Variants in IQCH observed in about 807,000 individuals in gnomAD.
The protein encoded by IQCH is IQ domain-containing protein H.
In IQCH, 98 loss-of-function variants were observed where a neutral mutation model predicts 117.0. That is an observed-to-expected ratio of 0.84 (90% CI 0.71 to 0.99). The LOEUF (loss-of-function observed/expected upper bound fraction) is 0.99, where lower values mean the gene tolerates loss of function less well. Among genes scored for constraint, IQCH ranks in the 50% least tolerant of loss-of-function variants. IQCH has a pLI of 0.00. For synonymous variants in IQCH, 412 were observed against 448.2 expected, an observed-to-expected ratio of 0.92 and a Z score of 1.02; for missense variants, 1,102 against 1,243.8, an observed-to-expected ratio of 0.89 and a Z score of 1.72.
intron 4 of IQCH, among the ~76,000 whole-genome samples, chr15:67,299,982 AT>A (rs1370154281): frequency 1.3e-5 from 2 of 152,090 alleles, no homozygotes; most frequent in Non-Finnish European, 2.9e-5. Flanking sequence ...GCAACCATTG[AT>A]GTTTACTTTA....
At chr15:67,442,342 G>A (rs577099291) in intron 16 of IQCH, among the ~76,000 whole-genome samples, 6 of 151,898 alleles carry the variant, frequency 4.0e-5, no homozygotes, top group East Asian at 1.9e-4. Context: ...TCCAGGAGGC[G>A]GAGGTTGTGG....
At chr15:67,306,431 G>A (rs1239795844) in intron 4 of IQCH, among the ~76,000 whole-genome samples, 1 of 152,036 alleles carries the variant, frequency 6.6e-6, no homozygotes, top group African/African-American at 2.4e-5. Context: ...TTTGGCTGCC[G>A]AGGGCCATGT....
chr15:67,347,847 TTATATATTTATATATC>T (rs1251552768), intron 6 of IQCH, among the ~76,000 whole-genome samples: 49 of 147,024 alleles, frequency 3.3e-4, no homozygotes, highest in East Asian at 1.2e-3. Flanking sequence ...ATAGATATTT[TTATATATTTATATATC>T]TATATATTTA....
rs971742442 is a variant in IQCH, at chr15:67,490,234, C to T, written c.2861+170C>T. Among the ~76,000 whole-genome samples, 9 of 152,098 alleles carry T rather than the reference C, an allele frequency of 5.9e-5. No homozygotes were observed. Among genetic ancestry groups the T allele is most frequent in the African/African-American group, 2.2e-4 (9 of 41,406 alleles). ...TTATTCTATTTTTTTGAGACGGAGC[C>T]TCACTCTGTCACCCAGGCTGGAGTG... On this transcript the variant is annotated intron_variant, in intron 19 of 20. Transcript: ENST00000335894. This position sits in a 1 kb window ranked among gnomAD's most constrained non-coding sequence, Gnocchi z 4.9.
Position 67,366,914 on chromosome 15 carries a change from GT to G in IQCH, c.754-5190del, listed in dbSNP as rs1970352492. On this transcript the variant is annotated intron_variant, in intron 8 of 20. Transcript: ENST00000335894. The surrounding 1 kb of genome is among the most constrained non-coding windows in gnomAD (Gnocchi z 4.4). ...ATAGAATACGAAAAAAATCCCCCAG[GT>G]TTTTTTCATGGTGCATAAAGTGATG... 6.6e-6 allele frequency among the ~76,000 whole-genome samples: 1 copy of G among 152,084 alleles called. No individual in the cohort carries two copies. The highest frequency in any genetic ancestry group is 1.5e-5 in the Non-Finnish European group (1 of 68,008).
chr15:67,294,452 G>C (rs1966841687), intron 4 of IQCH, among the ~76,000 whole-genome samples: 1 of 152,096 alleles, frequency 6.6e-6, no homozygotes, highest in South Asian at 2.1e-4. Flanking sequence ...TCCCAGTTCT[G>C]TCCAGTTAGT....
At chr15:67,274,630 A>G (rs1966046083) in intron 3 of IQCH, among the ~76,000 whole-genome samples, 1 of 152,186 alleles carries the variant, frequency 6.6e-6, no homozygotes, top group Non-Finnish European at 1.5e-5. Flanking sequence ...GAGATCTCGC[A>G]TATCAACATC....
chr15:67,303,762 A>T (rs1967166628), intron 4 of IQCH, among the ~76,000 whole-genome samples: 2 of 152,178 alleles, frequency 1.3e-5, no homozygotes, highest in Non-Finnish European at 2.9e-5. Context: ...AATTTGAATT[A>T]TTTAAAATGA....
rs537264535 is a variant in IQCH, at chr15:67,406,032, C to G, written c.2097+5727C>G. On this transcript the variant is annotated intron_variant, in intron 14 of 20. Coordinates refer to ENST00000335894, the MANE Select transcript of IQCH (RefSeq NM_001031715.3). This position sits in a 1 kb window ranked among gnomAD's most constrained non-coding sequence, Gnocchi z 4.5. ...TCTTGCAACCCAACTGCCTCATATA[C>G]CTGGTTATGTGCATGGGTGATGAGA... 1 of 152,188 alleles carries G rather than the reference C, an allele frequency of 6.6e-6. No homozygotes were observed. The highest frequency in any genetic ancestry group is 2.4e-5 in the African/African-American group (1 of 41,416). The allele number at this position is 152,188 out of a possible 1,614,324, so 9.4% of individuals were successfully genotyped here. A position where few individuals can be genotyped will look rare whatever the true frequency, so the allele number is the denominator to read the frequency against.
In IQCH at chr15:67,406,910, A is replaced by G. The variant is rs979810754; in HGVS notation, c.2097+6605A>G. ...AATAAGACTTTAAGAAATGCTACCTATTATTATTGTTGTTATTATTACCAT... is the reference window on the plus strand; with the variant it reads ...AATAAGACTTTAAGAAATGCTACCTGTTATTATTGTTGTTATTATTACCAT... On this transcript the variant is annotated intron_variant, in intron 14 of 20. Transcript: ENST00000335894. This position sits in a 1 kb window ranked among gnomAD's most constrained non-coding sequence, Gnocchi z 4.5. 1.1e-4 allele frequency: 17 copies of G among 152,220 alleles called. No homozygotes were observed. Among genetic ancestry groups the G allele is most frequent in the Admixed American group, 2.0e-4 (3 of 15,278 alleles). The allele number at this position is 152,220 out of a possible 1,614,324, so 9.4% of individuals were successfully genotyped here. A position where few individuals can be genotyped will look rare whatever the true frequency, so the allele number is the denominator to read the frequency against.
chr15:67,499,828 C>T (rs1288363993), intron 20 of IQCH, among the ~76,000 whole-genome samples: 3 of 151,990 alleles, frequency 2.0e-5, no homozygotes, highest in African/African-American at 7.3e-5. Context: ...CATGGACGAA[C>T]CTTGAAAACA....
At position 67,331,910 on chromosome 15, in the gene IQCH, A is replaced by G. The variant is rs117247279; in HGVS notation, c.388-5065A>G. On this transcript the variant is annotated intron_variant, in intron 4 of 20. Coordinates refer to ENST00000335894, the MANE Select transcript of IQCH (RefSeq NM_001031715.3). The stretch of plus-strand genomic sequence containing the variant: ...GTTACACAGATCACTTCTGCTTACA[A>G]CTTATTGGCTGGAATTTGGTCACTG... Among the ~76,000 whole-genome samples the G allele has an allele frequency of 1.1e-4, 17 of 152,300 alleles. No individual in the cohort carries two copies. The East Asian group carries it at 2.7e-3, about 24-fold the overall frequency.
chr15:67,335,290 G>A (rs1326267087), intron 4 of IQCH, among the ~76,000 whole-genome samples: 1 of 152,214 alleles, frequency 6.6e-6, no homozygotes, highest in Non-Finnish European at 1.5e-5. Context: ...ACTTTAGCTT[G>A]TCAGAGCAGG....
At position 67,490,417 on chromosome 15, in the gene IQCH, G is replaced by A. The variant is rs1298503718; in HGVS notation, c.2861+353G>A. 1.3e-5 allele frequency among the ~76,000 whole-genome samples: 2 copies of A among 152,078 alleles called. No homozygotes were observed. Among genetic ancestry groups the A allele is most frequent in the African/African-American group, 4.8e-5 (2 of 41,406 alleles). On this transcript the variant is annotated intron_variant, in intron 19 of 20. Coordinates refer to ENST00000335894, the MANE Select transcript of IQCH (RefSeq NM_001031715.3). The surrounding 1 kb of genome is among the most constrained non-coding windows in gnomAD (Gnocchi z 4.9). ...GACGGGGTTTCATCATGTTGGCCAG[G>A]ATGGTCTCGATCTCTTGACCTCGTG... is the stretch of plus-strand genomic sequence containing the variant.
chr15:67,357,686 C>T (rs911855547), intron 7 of IQCH, among the ~76,000 whole-genome samples: 1 of 152,200 alleles, frequency 6.6e-6, no homozygotes, highest in East Asian at 1.9e-4. Flanking sequence ...CTAATACTAA[C>T]TGGTCAGGAG....
At position 67,467,218 on chromosome 15, in the gene IQCH, G is replaced by A. The variant is rs926961423; in HGVS notation, c.2676+1921G>A. Among the ~76,000 whole-genome samples the A allele has an allele frequency of 3.9e-5, 6 of 152,066 alleles. No individual in the cohort carries two copies. The highest frequency in any genetic ancestry group is 7.4e-5 in the Non-Finnish European group (5 of 68,018). On this transcript the variant is annotated intron_variant, in intron 17 of 20. Transcript: ENST00000335894. The surrounding 1 kb of genome is among the most constrained non-coding windows in gnomAD (Gnocchi z 5.7). The stretch of plus-strand genomic sequence containing the variant: ...AGCCTAGTTGACAGAGTGAGACTCT[G>A]TCTCAAAAAATAAAAATAAAAATAA...
chr15:67,397,772 A>G (rs1300193277), intron 13 of IQCH, among the ~76,000 whole-genome samples: 1 of 3,476 alleles, frequency 2.9e-4, no homozygotes, highest in African/African-American at 3.3e-4. Context: ...TTGAACAGAT[A>G]GACTCAAACA....
rs2083765982 is a variant in IQCH, at chr15:67,494,945, G to A, written c.2970+579G>A. Among the ~76,000 whole-genome samples, 1 of 152,192 alleles carries A rather than the reference G, an allele frequency of 6.6e-6. No individual in the cohort carries two copies. The highest frequency in any genetic ancestry group is 2.4e-5 in the African/African-American group (1 of 41,440). ...AGATGTTGGTCTATCAAATCCAGTTGTGTATAATTGACTAGAAGTCTCCAA... is the reference window on the plus strand; with the variant it reads ...AGATGTTGGTCTATCAAATCCAGTTATGTATAATTGACTAGAAGTCTCCAA... On this transcript the variant is annotated intron_variant, in intron 20 of 20. Coordinates refer to ENST00000335894, the MANE Select transcript of IQCH (RefSeq NM_001031715.3). The surrounding 1 kb of genome is among the most constrained non-coding windows in gnomAD (Gnocchi z 5.5).
chr15:67,415,612 T>G (rs1411731689), intron 14 of IQCH, among the ~76,000 whole-genome samples: 1 of 152,172 alleles, frequency 6.6e-6, no homozygotes, highest in Non-Finnish European at 1.5e-5. Flanking sequence ...GGAGTTGGGG[T>G]GAGCAGTGCA....
Sources: gnomAD v4.1 joint callset for allele counts (sites outside exome capture counted in the v4.1 genomes callset) on GRCh38, gnomAD v4.1.1 for gene constraint, Gnocchi (gnomAD v3.1) non-coding constraint, MANE v1.5 for transcripts, NCBI Gene and HGNC (gene_info 2026-07-23, HGNC 2026-07-21) for gene names.